The following SLC35F4 variants were observed in gnomAD, a reference collection of about 807,000 sequenced individuals.
The protein encoded by SLC35F4 is solute carrier family 35 member F4.
SLC35F4 carries 24 observed loss-of-function variants against 44.2 expected under a neutral mutation model. The ratio of observed to expected loss-of-function variants is 0.54; its 90% confidence interval spans 0.39 to 0.76. SLC35F4 has a LOEUF of 0.76. SLC35F4 is among the 30% of genes least tolerant of loss of function. SLC35F4 has a pLI of 0.00. For missense variants in SLC35F4, 562 were observed against 586.1 expected (o/e 0.96, Z 0.42); for synonymous variants, 238 against 223.6 (o/e 1.06, Z -0.57).
At chr14:57,873,229 A>G (rs1375281903) in intron 1 of SLC35F4, among the ~76,000 whole-genome samples, 1 of 152,188 alleles carries the variant, frequency 6.6e-6, no homozygotes, top group Non-Finnish European at 1.5e-5. Context: ...GGTCAATTGC[A>G]TTATAGTCTA....
At chr14:57,690,728 C>A (rs927716818) in intron 1 of SLC35F4, among the ~76,000 whole-genome samples, 2 of 152,014 alleles carry the variant, frequency 1.3e-5, no homozygotes, top group Non-Finnish European at 2.9e-5. Context: ...ATGGGAGACA[C>A]TGACAGATCA....
At chr14:57,754,098 CTTTTTTTTTTT>C (rs1200175550) in intron 1 of SLC35F4, among the ~76,000 whole-genome samples, 3 of 110,444 alleles carry the variant, frequency 2.7e-5, no homozygotes, top group African/African-American at 1.1e-4. Flanking sequence ...TAACCCAATG[CTTTTTTTTTTT>C]TTTTTTTTTT....
intron 1 of SLC35F4, among the ~76,000 whole-genome samples, chr14:57,696,937 G>A (rs1747019962): frequency 6.6e-6 from 1 of 152,108 alleles, no homozygotes. Flanking sequence ...GGGGAAAGGG[G>A]AGGGAGAGCA....
intron 1 of SLC35F4, among the ~76,000 whole-genome samples, chr14:57,727,340 C>A (rs941001512): frequency 6.6e-6 from 1 of 151,740 alleles, no homozygotes. Context: ...TCAATTTTAT[C>A]TTTTCAAAAA....
At chr14:57,567,248 CTT>C (rs534297737) in intron 6 of SLC35F4, among the ~76,000 whole-genome samples, 51 of 152,298 alleles carry the variant, frequency 3.3e-4, no homozygotes, top group African/African-American at 1.1e-3. Flanking sequence ...CACTTTAAAA[CTT>C]ATCAAAAACA....
intron 1 of SLC35F4, among the ~76,000 whole-genome samples, chr14:57,620,971 T>C (rs1489791225): frequency 1.3e-5 from 2 of 151,892 alleles, no homozygotes; most frequent in East Asian, 3.9e-4. Flanking sequence ...CAGCAAAGTC[T>C]CAGGATACAA....
chr14:57,567,470 A>G (rs985046005), intron 6 of SLC35F4, among the ~76,000 whole-genome samples: 2 of 152,192 alleles, frequency 1.3e-5, no homozygotes, highest in African/African-American at 4.8e-5. Context: ...AGGATGATGT[A>G]TGTTCTTCTA....
intron 1 of SLC35F4, among the ~76,000 whole-genome samples, chr14:57,642,264 T>A (rs2073281766): frequency 6.6e-6 from 1 of 151,806 alleles, no homozygotes; most frequent in Non-Finnish European, 1.5e-5. Flanking sequence ...CCATTGTTGG[T>A]GAAGGTGTTT....
At chr14:57,798,728 G>A (rs912350499) in intron 1 of SLC35F4, among the ~76,000 whole-genome samples, 1 of 152,164 alleles carries the variant, frequency 6.6e-6, no homozygotes, top group Admixed American at 6.5e-5. Context: ...GTAATTAAAT[G>A]GTAAATGTTG....
chr14:57,829,805 A>G lies in SLC35F4; in HGVS notation c.103+35918T>C, dbSNP rs1377832535. ...TTCAGGCATGCAGATAAAAATTCCA[A>G]TATTTCAAAGAAGGCCGTGAATATA... On this transcript the variant is annotated intron_variant, in intron 1 of 7. Transcript: ENST00000556826. 2.0e-5 allele frequency among the ~76,000 whole-genome samples: 3 copies of G among 152,170 alleles called. No individual in the cohort carries two copies. The East Asian group carries it at 5.8e-4, about 29-fold the overall frequency.
intron 1 of SLC35F4, among the ~76,000 whole-genome samples, chr14:57,666,010 A>G (rs550925265): frequency 7.7e-4 from 118 of 152,276 alleles, no homozygotes; most frequent in African/African-American, 2.8e-3. Flanking sequence ...ATCAGAAAAA[A>G]TCACTAATAG....
At chr14:57,796,112 G>T (rs941562472) in intron 1 of SLC35F4, among the ~76,000 whole-genome samples, 1 of 152,072 alleles carries the variant, frequency 6.6e-6, no homozygotes, top group Non-Finnish European at 1.5e-5. Flanking sequence ...CAATGTTGCT[G>T]CAAAGAACAT....
intron 1 of SLC35F4, among the ~76,000 whole-genome samples, chr14:57,880,707 A>C (rs151134693): frequency 6.6e-6 from 1 of 152,192 alleles, no homozygotes; most frequent in African/African-American, 2.4e-5. Flanking sequence ...TGTATCCAGG[A>C]GGACACTGGG....
chr14:57,872,662 GGCA>G (rs1888319953), intron 1 of SLC35F4, among the ~76,000 whole-genome samples: 1 of 152,084 alleles, frequency 6.6e-6, no homozygotes, highest in Non-Finnish European at 1.5e-5. Flanking sequence ...TGTAACACTG[GGCA>G]AACCTGTGAC....
chr14:57,937,647 AAAGAAAAAAG>A (rs1889838797), intron 1 of SLC35F4, among the ~76,000 whole-genome samples: 1 of 139,520 alleles, frequency 7.2e-6, no homozygotes, highest in Admixed American at 6.9e-5. Flanking sequence ...AAAGAAAAGA[AAAGAAAAAAG>A]AAAAGAAAAA....
chr14:57,939,552 G>T (rs1022598532), intron 1 of SLC35F4, among the ~76,000 whole-genome samples: 3 of 152,170 alleles, frequency 2.0e-5, no homozygotes, highest in African/African-American at 7.2e-5. Context: ...CCCTCTCCCT[G>T]CATATCCCTA....
chr14:57,644,381 T>G (rs935819103), intron 1 of SLC35F4, among the ~76,000 whole-genome samples: 3 of 152,224 alleles, frequency 2.0e-5, no homozygotes, highest in African/African-American at 7.2e-5. Context: ...ATGATGAGCA[T>G]TTTTTCGAGT....
chr14:57,792,888 T>C (rs1358748850), intron 1 of SLC35F4, among the ~76,000 whole-genome samples: 1 of 152,102 alleles, frequency 6.6e-6, no homozygotes. Flanking sequence ...TTTACTCATG[T>C]AACCAAACAC....
At chr14:57,880,038 A>G (rs8013414) in intron 1 of SLC35F4, among the ~76,000 whole-genome samples, 53 of 622 alleles carry the variant, frequency 0.085, no homozygotes, top group East Asian at 0.35. Flanking sequence ...AGGAGGGAGG[A>G]AGGAAGGAAG....
Sources: gnomAD v4.1 joint callset for allele counts (sites outside exome capture counted in the v4.1 genomes callset) on GRCh38, gnomAD v4.1.1 for gene constraint, MANE v1.5 for transcripts, NCBI Gene and HGNC (gene_info 2026-07-23, HGNC 2026-07-21) for gene names.